Variants in NDUFS1 observed in about 807,000 individuals in gnomAD.
NDUFS1 encodes the protein NADH-ubiquinone oxidoreductase 75 kDa subunit, mitochondrial.
A neutral mutation model predicts 84.4 loss-of-function variants in NDUFS1; 61 were observed. The observed-to-expected ratio is 0.72, with a 90% confidence interval of 0.59 to 0.89. The LOEUF is 0.89. NDUFS1 is among the 40% of genes least tolerant of loss of function. The pLI is 0.00. For missense variants in NDUFS1, 891 were observed against 890.0 expected (o/e 1.00, Z -0.01); for synonymous variants, 275 against 290.0 (o/e 0.95, Z 0.53).
chr2:206,129,613 G>A (rs1166404185), intron 15 of NDUFS1, among the ~76,000 whole-genome samples: 2 of 149,884 alleles, frequency 1.3e-5, no homozygotes, highest in Non-Finnish European at 3.0e-5. Flanking sequence ...TTTTTTGAGA[G>A]GGAATGTCAC....
At chr2:206,156,410 C>CAAAAA (rs565294955) in intron 1 of NDUFS1, among the ~76,000 whole-genome samples, 1 of 139,368 alleles carries the variant, frequency 7.2e-6, no homozygotes, top group Non-Finnish European at 1.6e-5. Flanking sequence ...CCATCTCTAC[C>CAAAAA]AAAAAAAAAA....
Position 206,138,572 on chromosome 2 carries a change from T to C in NDUFS1, c.1305A>G (p.Pro435=). ...NDLKVALIGS[P]VDLTYTYDHL... is the part of the protein sequence containing the mutation. The stretch of plus-strand genomic sequence containing the variant: ...GGTCATATGTGTAAGTGAGGTCCAC[T>C]GGACTGCCTATAAGGGCCACTTTTA... The change falls in exon 13 of 19, where the codon CCA becomes CCG. Residue 435 remains proline, a synonymous_variant. Coordinates refer to ENST00000233190, the MANE Select transcript of NDUFS1 (RefSeq NM_005006.7). 6 of 1,613,970 alleles carry C rather than the reference T, an allele frequency of 3.7e-6. No homozygotes were observed. Among genetic ancestry groups the C allele is most frequent in the Non-Finnish European group, 5.1e-6 (6 of 1,179,844 alleles).
chr2:206,147,112 C>T (rs77655991), intron 7 of NDUFS1, 24 bp from the exon 8 acceptor site: 38,682 of 1,612,492 alleles, frequency 0.024, 593 homozygotes, highest in South Asian at 0.035. Flanking sequence ...AATGTGTCAT[C>T]AATGGTCAAG....
chr2:206,137,356 C>T (rs1691758923), intron 13 of NDUFS1, among the ~76,000 whole-genome samples: 1 of 151,960 alleles, frequency 6.6e-6, no homozygotes, highest in South Asian at 2.1e-4. Flanking sequence ...TGCCTGTAGT[C>T]CCAGCTACTC....
chr2:206,142,127 C>CATGGATT, intron 11 of NDUFS1, 58 bp from the exon 12 acceptor site: 1 of 1,437,768 alleles, frequency 7.0e-7, no homozygotes, highest in Non-Finnish European at 9.7e-7. Context: ...TACAGAGAAT[C>CATGGATT]CATGAAATAT....
chr2:206,125,028 A>G (rs1162407041), intron 18 of NDUFS1, among the ~76,000 whole-genome samples: 1 of 151,694 alleles, frequency 6.6e-6, no homozygotes, highest in African/African-American at 2.4e-5. Flanking sequence ...TTTTTTTTTA[A>G]AGAGACCAGA....
At position 206,142,666 on chromosome 2, in the gene NDUFS1, C is replaced by T. The variant is rs6435328; in HGVS notation, c.1133+20G>A. On this transcript the variant is annotated intron_variant, in intron 11 of 18. Transcript: ENST00000233190. Reference sequence around the variant, plus strand: ...TAAAAAAAGAAAGGAAAGCCTAGATCCTAGCTTCATATTTCTCACCCAGCT... The same window carrying T: ...TAAAAAAAGAAAGGAAAGCCTAGATTCTAGCTTCATATTTCTCACCCAGCT... 4.7e-3 allele frequency: 7,644 copies of T among 1,613,990 alleles called. 328 individuals are homozygous for T. In the African/African-American group the frequency reaches 0.092, roughly 19 times the overall value.
chr2:206,152,304 T>C, intron 3 of NDUFS1, 115 bp downstream of exon 3: 1 of 777,480 alleles, frequency 1.3e-6, no homozygotes, highest in Non-Finnish European at 2.2e-6. Context: ...AATATAACTT[T>C]GCTGTGTATA....
intron 8 of NDUFS1, 61 bp from the exon 9 acceptor site, chr2:206,145,087 C>A: frequency 6.6e-7 from 1 of 1,513,564 alleles, no homozygotes; most frequent in Non-Finnish European, 8.9e-7. Flanking sequence ...TTTCTGTTAC[C>A]TGGTTTACCA....
rs1012935790 is a variant in NDUFS1, at chr2:206,116,623, CAT to C, written c.*7560_*7561del. On this transcript the variant is annotated 3_prime_UTR_variant, in exon 19 of 19. Transcript: ENST00000233190. ...AGTCTGGGCCTGGTGTGTTGGCTCA[CAT>C]GTGTAATTCCAGAACTTTGGGAGGT... The C allele has an allele frequency of 1.4e-4, 65 of 474,452 alleles. No homozygotes were observed. Among genetic ancestry groups the C allele is most frequent in the African/African-American group, 1.1e-3 (56 of 50,734 alleles). The allele number at this position is 474,452 out of a possible 1,614,324, so 29.4% of individuals were successfully genotyped here. A position where few individuals can be genotyped will look rare whatever the true frequency, so the allele number is the denominator to read the frequency against.
intron 1 of NDUFS1, among the ~76,000 whole-genome samples, chr2:206,158,232 G>C (rs1173912503): frequency 6.6e-6 from 1 of 152,102 alleles, no homozygotes; most frequent in African/African-American, 2.4e-5. Context: ...AAAGTGGTGG[G>C]ATTACAGGAG....
Position 206,144,911 on chromosome 2 carries a change from AC to A in NDUFS1, c.852del (p.Glu284AspfsTer14). On this transcript the variant is annotated frameshift_variant, in exon 9 of 19. Coordinates refer to ENST00000233190, the MANE Select transcript of NDUFS1 (RefSeq NM_005006.7). LOFTEE classifies it high-confidence loss of function. ...LPRMHEDINE[E>X]WISDKTRFAY... is the part of the protein sequence containing the mutation. ...ATATACCTGGTTTTATCAGAGATCC[AC>A]TCTTCATTGATGTCCTCATGCATAC... 1 of 1,614,028 alleles carries A rather than the reference AC, an allele frequency of 6.2e-7. No individual in the cohort carries two copies. The highest frequency in any genetic ancestry group is 8.5e-7 in the Non-Finnish European group (1 of 1,179,978).
Position 206,153,537 on chromosome 2 carries a change from T to C in NDUFS1, c.61+81A>G, listed in dbSNP as rs182860788. ...TTAAAAAATCATGGGTTTAGGGTCT[T>C]TGATAAACTATGCCATAGACTTATA... On this transcript the variant is annotated intron_variant, in intron 2 of 18. Coordinates refer to ENST00000233190, the MANE Select transcript of NDUFS1 (RefSeq NM_005006.7). The C allele has an allele frequency of 2.5e-4, 224 of 883,408 alleles. 1 individual carries two copies. In the East Asian group the frequency reaches 4.6e-3, roughly 18 times the overall value. The allele number at this position is 883,408 out of a possible 1,614,324, so 54.7% of individuals were successfully genotyped here. A position where few individuals can be genotyped will look rare whatever the true frequency, so the allele number is the denominator to read the frequency against.
chr2:206,150,239 T>C (rs1234611232), intron 3 of NDUFS1, among the ~76,000 whole-genome samples: 4 of 152,346 alleles, frequency 2.6e-5, no homozygotes, highest in Middle Eastern at 3.4e-3. Context: ...TTGTCCACAA[T>C]GTCCCCAGTG....
rs572955128 is a variant in NDUFS1 at position 206,147,541 on chromosome 2, G to C, written c.541C>G (p.Arg181Gly). Residue 181 changes from arginine (R) to glycine (G), a missense_variant, in exon 7 of 19, where the codon CGC becomes GGC. Transcript: ENST00000233190. ...TIMTRCIQCT[R>G]CIRFASEIAG... ...AGGAAAAAAAGTTACCTGATGCAGC[G>C]AGTACACTGTATACATCTTGTCATG... is the stretch of plus-strand genomic sequence containing the variant. The C allele has an allele frequency of 6.2e-7, 1 of 1,613,978 alleles. No homozygotes were observed. The highest frequency in any genetic ancestry group is 8.5e-7 in the Non-Finnish European group (1 of 1,179,964).
chr2:206,123,202 T>G lies in NDUFS1; in HGVS notation c.*983A>C, dbSNP rs1177787845. Reference sequence around the variant, plus strand: ...GTTTTGTCTCCTATTGCTGAAATAATTTAGTTGATTTAACACTACAGATGG... The same window carrying G: ...GTTTTGTCTCCTATTGCTGAAATAAGTTAGTTGATTTAACACTACAGATGG... On this transcript the variant is annotated 3_prime_UTR_variant, in exon 19 of 19. Coordinates refer to ENST00000233190, the MANE Select transcript of NDUFS1 (RefSeq NM_005006.7). 1 of 152,036 alleles carries G rather than the reference T, an allele frequency of 6.6e-6. No homozygotes were observed. The highest frequency in any genetic ancestry group is 2.4e-5 in the African/African-American group (1 of 41,400). The allele number at this position is 152,036 out of a possible 1,614,324, so 9.4% of individuals were successfully genotyped here.
Position 206,120,223 on chromosome 2 carries a change from C to T in NDUFS1, c.*3962G>A, listed in dbSNP as rs1395876028. The T allele has an allele frequency of 2.6e-5, 4 of 152,232 alleles. No individual in the cohort carries two copies. The highest frequency in any genetic ancestry group is 4.4e-5 in the Non-Finnish European group (3 of 68,076). The allele number at this position is 152,232 out of a possible 1,614,324, so 9.4% of individuals were successfully genotyped here. On this transcript the variant is annotated 3_prime_UTR_variant, in exon 19 of 19. Coordinates refer to ENST00000233190, the MANE Select transcript of NDUFS1 (RefSeq NM_005006.7). Reference sequence around the variant, plus strand: ...CTCTTTTGCAAGAATTACCCAATCTCAGATATTCCTTTACAGTAATGCAAA... The same window carrying T: ...CTCTTTTGCAAGAATTACCCAATCTTAGATATTCCTTTACAGTAATGCAAA...
intron 13 of NDUFS1, among the ~76,000 whole-genome samples, chr2:206,135,886 C>T (rs1349227338): frequency 6.6e-6 from 1 of 152,084 alleles, no homozygotes; most frequent in Non-Finnish European, 1.5e-5. Context: ...ACCTTCTTCC[C>T]TACACCTGAG....
At position 206,144,736 on chromosome 2, in the gene NDUFS1, A is replaced by G. The variant is rs181274145; in HGVS notation, c.872+156T>C. ...AATATCCAGGGATTGACCTAGGACTATTAAAGTCAGTATTATCACATTATA... is the reference window on the plus strand; with the variant it reads ...AATATCCAGGGATTGACCTAGGACTGTTAAAGTCAGTATTATCACATTATA... On this transcript the variant is annotated intron_variant, in intron 9 of 18. Coordinates refer to ENST00000233190, the MANE Select transcript of NDUFS1 (RefSeq NM_005006.7). 3.9e-5 allele frequency among the ~76,000 whole-genome samples: 6 copies of G among 152,374 alleles called. No homozygotes were observed. The East Asian group carries it at 1.2e-3, about 29-fold the overall frequency.
Sources: gnomAD v4.1 joint callset for allele counts (sites outside exome capture counted in the v4.1 genomes callset) on GRCh38, gnomAD v4.1.1 for gene constraint, MANE v1.5 for transcripts, NCBI Gene and HGNC (gene_info 2026-07-23, HGNC 2026-07-21) for gene names.